CAPN9: variants seen among roughly 807,000 people sequenced by gnomAD.
CAPN9 encodes the protein calpain 9, also known as calpain-9.
CAPN9 carries 81 observed loss-of-function variants against 92.8 expected under a neutral mutation model. The ratio of observed to expected loss-of-function variants is 0.87; its 90% CI spans 0.73 to 1.05. The LOEUF (loss-of-function observed/expected upper bound fraction) is 1.05, where lower values mean the gene tolerates loss of function less well. CAPN9 is among the 50% of genes least tolerant of loss of function. CAPN9 has a pLI of 0.00. For synonymous variants in CAPN9, 304 were observed against 328.0 expected, an observed-to-expected ratio of 0.93 and a Z score of 0.79; for missense variants, 848 against 866.2, an observed-to-expected ratio of 0.98 and a Z score of 0.26.
At chr1:230,755,206 C>A (rs954586242) in intron 1 of CAPN9, 131 bp from the exon 2 acceptor site, 26 of 698,902 alleles carry the variant, frequency 3.7e-5, no homozygotes, top group Non-Finnish European at 5.6e-5. Context: ...CCACGTGGCC[C>A]TCCTCAGGGA....
At chr1:230,792,690 G>C (rs1474351163) in intron 16 of CAPN9, among the ~76,000 whole-genome samples, 160 bp from the exon 17 acceptor site, 2 of 152,230 alleles carry the variant, frequency 1.3e-5, no homozygotes, top group Non-Finnish European at 2.9e-5. Flanking sequence ...CGAAAAGGAA[G>C]ACAAAAGGGA....
intron 1 of CAPN9, among the ~76,000 whole-genome samples, chr1:230,755,129 C>T (rs1055381313): frequency 2.3e-4 from 35 of 152,128 alleles, no homozygotes; most frequent in Admixed American, 5.2e-4. Flanking sequence ...CTCTCCCCGG[C>T]GGAGGAGATT....
At chr1:230,777,858 A>G (rs1332651995) in intron 8 of CAPN9, among the ~76,000 whole-genome samples, 1 of 151,732 alleles carries the variant, frequency 6.6e-6, no homozygotes. Flanking sequence ...TCATCTCCCT[A>G]ACCTGTTAGC....
chr1:230,763,869 G>C (rs900852967), intron 4 of CAPN9, among the ~76,000 whole-genome samples: 3 of 152,226 alleles, frequency 2.0e-5, no homozygotes, highest in African/African-American at 7.2e-5. Context: ...AGTGCCACCA[G>C]ACAGGCTTAA....
At chr1:230,767,947 G>A (rs1666097211) in intron 5 of CAPN9, among the ~76,000 whole-genome samples, 3 of 150,550 alleles carry the variant, frequency 2.0e-5, no homozygotes, top group Admixed American at 2.0e-4. Context: ...ACACCAACAT[G>A]GCACAGGTAT....
intron 11 of CAPN9, among the ~76,000 whole-genome samples, chr1:230,782,978 T>C (rs1490000173): frequency 6.6e-6 from 1 of 152,102 alleles, no homozygotes; most frequent in Non-Finnish European, 1.5e-5. Context: ...GATCATGCCA[T>C]TGCACTCCAG....
At chr1:230,777,461 ACT>A (rs1666879544) in intron 8 of CAPN9, among the ~76,000 whole-genome samples, 3 of 149,230 alleles carry the variant, frequency 2.0e-5, no homozygotes, top group African/African-American at 7.4e-5. Context: ...ACCTCCTGCA[ACT>A]CTCTTCTCTC....
At chr1:230,785,876 G>C (rs865794292) in intron 11 of CAPN9, 105 bp from the exon 12 acceptor site, 2 of 1,060,118 alleles carry the variant, frequency 1.9e-6, no homozygotes, top group Non-Finnish European at 1.5e-6. Flanking sequence ...AACAATAAGG[G>C]ATTCAAAGGG....
chr1:230,755,471 C>A, intron 2 of CAPN9, 65 bp downstream of exon 2: 1 of 1,305,804 alleles, frequency 7.7e-7, no homozygotes, highest in Non-Finnish European at 1.1e-6. Context: ...CAAGCAACTG[C>A]AGCATGGGGT....
chr1:230,756,662 G>A (rs569034791), intron 2 of CAPN9, among the ~76,000 whole-genome samples: 31 of 152,246 alleles, frequency 2.0e-4, no homozygotes, highest in Non-Finnish European at 3.5e-4. Context: ...CAGGCTGAGC[G>A]TGATGGCTCA....
chr1:230,759,248 C>A (rs1329223880), intron 2 of CAPN9, among the ~76,000 whole-genome samples: 2 of 152,194 alleles, frequency 1.3e-5, no homozygotes, highest in African/African-American at 2.4e-5. Flanking sequence ...ATGCATCAGG[C>A]AGCCATATGT....
intron 1 of CAPN9, chr1:230,752,755 G>T (rs11590877): frequency 0.3 from 290,564 of 965,606 alleles, 44,502 homozygotes; most frequent in African/African-American, 0.38. Flanking sequence ...TTGCTTGCCA[G>T]GGCTATCCCC....
chr1:230,753,775 G>C (rs1183618305), intron 1 of CAPN9, among the ~76,000 whole-genome samples: 2 of 151,930 alleles, frequency 1.3e-5, no homozygotes, highest in African/African-American at 4.8e-5. Context: ...ACCCCTGCAG[G>C]GTGAGCCAGA....
chr1:230,774,586 A>G lies in CAPN9; in HGVS notation c.908A>G (p.Glu303Gly). ...SPEWRSVGPAEQKRLCHTALD... is the reference protein window; with the variant it reads ...SPEWRSVGPAGQKRLCHTALD... ...GAGTGGCGTTCTGTTGGTCCAGCTG[A>G]GCAGAAGCGTCTGTGTCACACTGCT... The change falls in exon 8 of 20, where the codon GAG (glutamate) becomes GGG (glycine). Residue 303 changes from glutamate to glycine, a missense_variant. Transcript: ENST00000271971. 1.9e-6 allele frequency: 3 copies of G among 1,613,958 alleles called. No individual in the cohort carries two copies. The South Asian group carries it at 3.3e-5, about 18-fold the overall frequency.
rs1667687687 is a variant in CAPN9, at chr1:230,787,502, T to C, written c.1519-20T>C. 1 of 1,608,406 alleles carries C rather than the reference T, an allele frequency of 6.2e-7. No homozygotes were observed. Among genetic ancestry groups the C allele is most frequent in the South Asian group, 1.1e-5 (1 of 90,852 alleles). ...TTTTTTGTGGATCATTTTGTGCAAG[T>C]TTCTTTGGCTGTTTTTTAGCCTCCA... On this transcript the variant is annotated intron_variant, in intron 12 of 19. Coordinates refer to ENST00000271971, the MANE Select transcript of CAPN9 (RefSeq NM_006615.3).
intron 1 of CAPN9, among the ~76,000 whole-genome samples, chr1:230,748,383 G>A (rs28359588): frequency 0.2 from 30,164 of 152,114 alleles, 3,296 homozygotes; most frequent in Non-Finnish European, 0.26. Context: ...CCTCTGACCC[G>A]GCGCCAGCTG....
intron 4 of CAPN9, 21 bp downstream of exon 4, chr1:230,762,807 C>G: frequency 1.2e-6 from 2 of 1,610,832 alleles, no homozygotes; most frequent in Non-Finnish European, 1.7e-6. Context: ...GCTTCCCCAG[C>G]TCAGGCAGCC....
chr1:230,750,179 T>TA (rs1333128252), intron 1 of CAPN9, among the ~76,000 whole-genome samples: 1 of 152,114 alleles, frequency 6.6e-6, no homozygotes, highest in African/African-American at 2.4e-5. Flanking sequence ...GGGCCCTTGA[T>TA]ACACACAAGC....
chr1:230,801,712 C>T lies in CAPN9; in HGVS notation c.*116C>T. 1 of 899,484 alleles carries T rather than the reference C, an allele frequency of 1.1e-6. No homozygotes were observed. Among genetic ancestry groups the T allele is most frequent in the Non-Finnish European group, 1.9e-6 (1 of 531,364 alleles). 55.7% of individuals were successfully genotyped at this position (899,484 alleles called of 1,614,324 possible). A position where few individuals can be genotyped will look rare whatever the true frequency, so the allele number is the denominator to read the frequency against. On this transcript the variant is annotated 3_prime_UTR_variant, in exon 20 of 20. Transcript: ENST00000271971. ...CCAGGGTTCACTCCCCTCTCATCGT[C>T]CGGCCTTCTCCCTTCATCTTGATCT...
Sources: gnomAD v4.1 joint callset for allele counts (sites outside exome capture counted in the v4.1 genomes callset) on GRCh38, gnomAD v4.1.1 for gene constraint, MANE v1.5 for transcripts, NCBI Gene and HGNC (gene_info 2026-07-23, HGNC 2026-07-21) for gene names.